SS18L1: variants seen among roughly 807,000 people sequenced by gnomAD.
SS18L1 encodes SS18L1 subunit of BAF chromatin remodeling complex.
In SS18L1, 32 loss-of-function variants were observed where a neutral mutation model predicts 70.3. The observed-to-expected ratio is 0.46, with a 90% CI of 0.34 to 0.61. The LOEUF (loss-of-function observed/expected upper bound fraction) is 0.61. Among genes scored for constraint, SS18L1 ranks in the 20% least tolerant of loss-of-function variants. SS18L1 has a pLI of 0.01. For synonymous variants in SS18L1, 237 were observed against 229.7 expected (o/e 1.03, Z -0.29); for missense variants, 430 against 542.1 (o/e 0.79, Z 2.05).
At chr20:62,149,517 G>A (rs1208654351) in intron 1 of SS18L1, among the ~76,000 whole-genome samples, 2 of 152,258 alleles carry the variant, frequency 1.3e-5, no homozygotes, top group Admixed American at 6.5e-5. Flanking sequence ...TACCAGGATG[G>A]GGATGGGGGC....
chr20:62,168,118 C>T (rs2145763913), intron 8 of SS18L1, among the ~76,000 whole-genome samples: 1 of 152,018 alleles, frequency 6.6e-6, no homozygotes, highest in South Asian at 2.1e-4. Flanking sequence ...GCCATTGTGC[C>T]TGGCTGATAG....
intron 3 of SS18L1, among the ~76,000 whole-genome samples, chr20:62,160,931 A>G (rs368003371): frequency 7.3e-5 from 11 of 151,038 alleles, no homozygotes; most frequent in African/African-American, 2.2e-4. Flanking sequence ...CTTCACACTC[A>G]CTCCCTTCTG....
rs753426012 is a variant in SS18L1, at chr20:62,158,990, C to G, written c.146+242C>G. ...CCCAGCACGGAGGCCAGATATGTCC[C>G]GAGAGTCCCCCAGCACGGAGGCCAG... On this transcript the variant is annotated intron_variant, in intron 2 of 10. Coordinates refer to ENST00000331758, the MANE Select transcript of SS18L1 (RefSeq NM_198935.3). The surrounding 1 kb of genome is among the most constrained non-coding windows in gnomAD (Gnocchi z 4.5). The G allele has an allele frequency of 2.6e-6, 4 of 1,545,878 alleles. No individual in the cohort carries two copies. The highest frequency in any genetic ancestry group is 1.7e-5 in the Admixed American group (1 of 57,998).
intron 8 of SS18L1, 85 bp from the exon 9 acceptor site, chr20:62,172,597 A>G: frequency 1.3e-6 from 2 of 1,596,372 alleles, no homozygotes; most frequent in Non-Finnish European, 1.7e-6. Context: ...GGGATTCCAA[A>G]GTTACCGTGT....
intron 1 of SS18L1, among the ~76,000 whole-genome samples, chr20:62,152,807 T>C (rs1196102421): frequency 1.3e-5 from 2 of 152,158 alleles, no homozygotes; most frequent in African/African-American, 4.8e-5. Context: ...GAGATTTTCA[T>C]AAACACAGAC....
chr20:62,166,191 A>G (rs2057426893), intron 8 of SS18L1, among the ~76,000 whole-genome samples: 4 of 152,250 alleles, frequency 2.6e-5, no homozygotes, highest in Non-Finnish European at 5.9e-5. Flanking sequence ...GATGGCCCCC[A>G]GAGAAGAGCT....
At chr20:62,148,976 T>G (rs548133460) in intron 1 of SS18L1, among the ~76,000 whole-genome samples, 47 of 152,346 alleles carry the variant, frequency 3.1e-4, no homozygotes, top group African/African-American at 1.1e-3. Context: ...GCAGCCCAGG[T>G]CTTGCCCAGG....
intron 8 of SS18L1, among the ~76,000 whole-genome samples, 164 bp from the exon 9 acceptor site, chr20:62,172,518 A>G (rs902111158): frequency 6.6e-6 from 1 of 152,190 alleles, no homozygotes. Flanking sequence ...TTTCTATAAG[A>G]TAAAGGTGTA....
At chr20:62,148,837 C>A (rs903769259) in intron 1 of SS18L1, among the ~76,000 whole-genome samples, 4 of 152,230 alleles carry the variant, frequency 2.6e-5, no homozygotes, top group African/African-American at 9.6e-5. Flanking sequence ...AGGGTGAGGA[C>A]GCATTTGGAT....
rs373859240 is a variant in SS18L1 at position 62,158,775 on chromosome 20, C to G, written c.146+27C>G. 2 of 1,612,990 alleles carry G rather than the reference C, an allele frequency of 1.2e-6. No homozygotes were observed. Among genetic ancestry groups the G allele is most frequent in the East Asian group, 2.2e-5 (1 of 44,870 alleles). On this transcript the variant is annotated intron_variant, in intron 2 of 10. Coordinates refer to ENST00000331758, the MANE Select transcript of SS18L1 (RefSeq NM_198935.3). The surrounding 1 kb of genome is among the most constrained non-coding windows in gnomAD (Gnocchi z 4.5). ...TGAGTGCCCGCCATACACCGGAACA[C>G]TTGGAGGGTGTCATGCAGAGTCTAA... is the stretch of plus-strand genomic sequence containing the variant.
rs754727411 is a variant in SS18L1 at position 62,165,512 on chromosome 20, G to C, written c.914G>C (p.Gly305Ala). 1.2e-5 allele frequency: 20 copies of C among 1,611,056 alleles called. No homozygotes were observed. Among genetic ancestry groups the C allele is most frequent in the East Asian group, 2.2e-5 (1 of 44,802 alleles). ...FEESTQHYYE[G>A]GNSQYSQQQA... ...GAGTCCACGCAGCACTACTATGAGG[G>C]GGGTAAGGAGCACGGCTGCGTGCTG... The change falls in exon 8 of 11, where the codon GGG becomes GCG. Residue 305 changes from glycine (G) to alanine (A), a missense_variant and splice_region_variant. By Grantham distance (60) the Gly-to-Ala change is moderately conservative. Transcript: ENST00000331758.
intron 1 of SS18L1, among the ~76,000 whole-genome samples, chr20:62,144,327 G>A (rs2056982038): frequency 6.6e-6 from 1 of 152,188 alleles, no homozygotes. Context: ...TGGCGACGGC[G>A]GGCGGTACTC....
At chr20:62,175,914 C>G (rs1307233509) in intron 10 of SS18L1, among the ~76,000 whole-genome samples, 3 of 150,810 alleles carry the variant, frequency 2.0e-5, no homozygotes, top group Non-Finnish European at 3.0e-5. Context: ...GGTGTGCTCT[C>G]AGGACACTGT....
At chr20:62,178,566 T>C (rs985310354) in intron 10 of SS18L1, among the ~76,000 whole-genome samples, 1 of 151,982 alleles carries the variant, frequency 6.6e-6, no homozygotes, top group African/African-American at 2.4e-5. Flanking sequence ...AAATTCAGAT[T>C]TGTTTTTGAA....
intron 8 of SS18L1, among the ~76,000 whole-genome samples, chr20:62,170,708 T>C (rs536812028): frequency 6.6e-6 from 1 of 152,272 alleles, no homozygotes; most frequent in African/African-American, 2.4e-5. Flanking sequence ...CAGCCCCCTT[T>C]CTTTGGGGAT....
At position 62,151,146 on chromosome 20, in the gene SS18L1, C is replaced by T. The variant is rs145894327; in HGVS notation, c.69+7257C>T. Among the ~76,000 whole-genome samples the T allele has an allele frequency of 4.3e-3, 659 of 152,228 alleles. 2 individuals are homozygous for T. The highest frequency in any genetic ancestry group is 0.013 in the African/African-American group (551 of 41,554). ...GACTGTTCTGCTGAGAGCCCCTCAC[C>T]CAGGTTTTTGCCTGGTAGCCCCAGC... On this transcript the variant is annotated intron_variant, in intron 1 of 10. Coordinates refer to ENST00000331758, the MANE Select transcript of SS18L1 (RefSeq NM_198935.3).
rs1568769828 is a variant in SS18L1, at chr20:62,177,513, C to CCTCGCTCCCCCAT, written c.1165-1669_1165-1668insCTCGCTCCCCCAT. Reference sequence around the variant, plus strand: ...TGGAACAGCTTTCCTCCCTCCCCCACTTCCTCGCTGGGGGCATTCGGGAAA... The same window carrying CCTCGCTCCCCCAT: ...TGGAACAGCTTTCCTCCCTCCCCCACCTCGCTCCCCCATTTCCTCGCTGGGGGCATTCGGGAAA... On this transcript the variant is annotated intron_variant, in intron 10 of 10. Coordinates refer to ENST00000331758, the MANE Select transcript of SS18L1 (RefSeq NM_198935.3). 4.1e-3 allele frequency among the ~76,000 whole-genome samples: 631 copies of CCTCGCTCCCCCAT among 152,306 alleles called. 4 individuals are homozygous for CCTCGCTCCCCCAT. The highest frequency in any genetic ancestry group is 0.014 in the African/African-American group (594 of 41,558).
intron 1 of SS18L1, chr20:62,154,347 T>C (rs1397240123): frequency 1.2e-5 from 13 of 1,049,530 alleles, no homozygotes; most frequent in Non-Finnish European, 1.4e-5. Context: ...TTTCCTAACT[T>C]GCGGGTCTGA....
chr20:62,169,787 A>G (rs1225407476), intron 8 of SS18L1, among the ~76,000 whole-genome samples: 1 of 152,142 alleles, frequency 6.6e-6, no homozygotes, highest in Non-Finnish European at 1.5e-5. Context: ...CTCCAAAAAA[A>G]AAAAAGGAAC....
Sources: gnomAD v4.1 joint callset for allele counts (sites outside exome capture counted in the v4.1 genomes callset) on GRCh38, gnomAD v4.1.1 for gene constraint, Gnocchi (gnomAD v3.1) non-coding constraint, MANE v1.5 for transcripts, NCBI Gene and HGNC (gene_info 2026-07-23, HGNC 2026-07-21) for gene names.